FANCD2: variants seen among roughly 807,000 people sequenced by gnomAD.
FANCD2 encodes FA complementation group D2.
In FANCD2, 131 loss-of-function variants were observed where a neutral mutation model predicts 192.3. That is an observed-to-expected ratio of 0.68 (90% confidence interval 0.59 to 0.79). FANCD2 has a LOEUF of 0.79. FANCD2 is among the 30% of genes least tolerant of loss of function. The pLI is 0.00. For synonymous variants in FANCD2, 524 were observed against 612.5 expected (o/e 0.86, Z 2.13); for missense variants, 1,508 against 1,701.6 (o/e 0.89, Z 2.00).
Position 10,039,304 on chromosome 3 carries a change from C to G in FANCD2, c.517C>G (p.Pro173Ala), listed in dbSNP as rs758228060. The G allele has an allele frequency of 6.2e-7, 1 of 1,613,824 alleles. No homozygotes were observed. Among genetic ancestry groups the G allele is most frequent in the Admixed American group, 1.7e-5 (1 of 60,024 alleles). ...ENKNSDEINI[P>A]RLIVSQLKWL... The stretch of plus-strand genomic sequence containing the variant: ...CAAGAACAGTGATGAAATCAACATA[C>G]CTCGACTCATTGTCAGTCAACTAAA... The change falls in exon 8 of 44, where the codon CCT becomes GCT. Residue 173 changes from proline (P) to alanine (A), a missense_variant. Around this residue, in one of 5 missense-constraint regions of FANCD2, gnomAD observed 435 missense variants for 421.9 expected, o/e 1.03. Coordinates refer to ENST00000675286, the MANE Select transcript of FANCD2 (RefSeq NM_001018115.3).
chr3:10,039,691 C>T (rs2086815206), intron 8 of FANCD2, 30 bp from the exon 9 acceptor site: 1 of 1,613,644 alleles, frequency 6.2e-7, no homozygotes, highest in South Asian at 1.1e-5. Context: ...GGGTAATGTG[C>T]TGCAGTTCTA....
At chr3:10,054,952 C>T (rs1458973806) in intron 18 of FANCD2, among the ~76,000 whole-genome samples, 1 of 151,924 alleles carries the variant, frequency 6.6e-6, no homozygotes, top group African/African-American at 2.4e-5. Flanking sequence ...CTTCTCAGTT[C>T]TGTAGGCACC....
rs1229105267 is a variant in FANCD2, at chr3:10,065,962, C to G, written c.2368C>G (p.Leu790Val). ...SFMCSLIFLTLNWFREIVNAF... is the reference protein window; with the variant it reads ...SFMCSLIFLTVNWFREIVNAF... Reference sequence around the variant, plus strand: ...CATGTGTTCTCTCATATTTCTTACTCTCAACTGGTTCCGAGAGGTGAGCAG... The same window carrying G: ...CATGTGTTCTCTCATATTTCTTACTGTCAACTGGTTCCGAGAGGTGAGCAG... The change falls in exon 25 of 44, where the codon CTC (leucine) becomes GTC (valine). Residue 790 changes from leucine to valine, a missense_variant. By Grantham distance (32) the Leu-to-Val change is conservative. Around this residue, in one of 5 missense-constraint regions of FANCD2, gnomAD observed 796 missense variants for 879.4 expected, o/e 0.91. Coordinates refer to ENST00000675286, the MANE Select transcript of FANCD2 (RefSeq NM_001018115.3). 4.4e-6 allele frequency: 7 copies of G among 1,607,844 alleles called. No homozygotes were observed. The African/African-American group carries it at 9.4e-5, about 21-fold the overall frequency.
chr3:10,080,638 G>A (rs1414749896), intron 30 of FANCD2, among the ~76,000 whole-genome samples: 7 of 152,160 alleles, frequency 4.6e-5, no homozygotes, highest in Non-Finnish European at 1.0e-4. Context: ...ATGTTTGTTG[G>A]CATGTGCCTG....
rs1476712513 is a variant in FANCD2 at position 10,054,397 on chromosome 3, G to GTATATACATATATATA, written c.1656+1905_1656+1906insACATATATATATATAT. On this transcript the variant is annotated intron_variant, in intron 18 of 43. Coordinates refer to ENST00000675286, the MANE Select transcript of FANCD2 (RefSeq NM_001018115.3). ...TATATACATATATATATGTATATAC[G>GTATATACATATATATA]TATATGTATATACGTATATACATAT... 5.0e-5 allele frequency among the ~76,000 whole-genome samples: 4 copies of GTATATACATATATATA among 79,258 alleles called. 1 individual carries two copies. Among genetic ancestry groups the GTATATACATATATATA allele is most frequent in the African/African-American group, 2.8e-4 (4 of 14,222 alleles). 52.0% of individuals were successfully genotyped at this position (79,258 alleles called of 152,430 possible).
chr3:10,030,689 C>T (rs577178552), intron 2 of FANCD2, among the ~76,000 whole-genome samples: 4 of 152,036 alleles, frequency 2.6e-5, no homozygotes, highest in Non-Finnish European at 5.9e-5. Flanking sequence ...CACCTGAGGT[C>T]AGGAGTTCAA....
At chr3:10,035,606 T>G (rs1198610259) in intron 6 of FANCD2, among the ~76,000 whole-genome samples, 2 of 152,172 alleles carry the variant, frequency 1.3e-5, no homozygotes, top group East Asian at 1.9e-4. Flanking sequence ...CTCGTCTCTT[T>G]TATTAAGTAG....
intron 1 of FANCD2, among the ~76,000 whole-genome samples, chr3:10,027,829 C>T (rs34569725): frequency 0.02 from 2,904 of 144,252 alleles, 100 homozygotes; most frequent in African/African-American, 0.074. Context: ...GGTGTGAACC[C>T]GGGAGGTGGA....
In FANCD2 at chr3:10,040,464, G is replaced by A. The variant is rs56093431; in HGVS notation, c.695+619G>A. ...AGTTTCATTAACTTGTTCTTCAGGG[G>A]GTCCTTAACCCTGGCTGCACATTAA... On this transcript the variant is annotated intron_variant, in intron 9 of 43. Transcript: ENST00000675286. 9.9e-5 allele frequency: 45 copies of A among 455,446 alleles called. No homozygotes were observed. In the East Asian group the frequency reaches 3.1e-3, roughly 31 times the overall value. The allele number at this position is 455,446 out of a possible 1,614,324, so 28.2% of individuals were successfully genotyped here.
Position 10,030,501 on chromosome 3 carries a change from T to A in FANCD2, c.64+1780T>A, listed in dbSNP as rs377046496. Among the ~76,000 whole-genome samples, 17 of 152,346 alleles carry A rather than the reference T, an allele frequency of 1.1e-4. No homozygotes were observed. In the East Asian group the frequency reaches 2.3e-3, roughly 21 times the overall value. ...TAGGTTATTGGAAGTTAAGTCTGAT[T>A]CTTGGTCAATTCAACCGAAATAGAT... On this transcript the variant is annotated intron_variant, in intron 2 of 43. Coordinates refer to ENST00000675286, the MANE Select transcript of FANCD2 (RefSeq NM_001018115.3).
chr3:10,073,188 G>A, intron 27 of FANCD2, 65 bp from the exon 28 acceptor site: 3 of 1,306,326 alleles, frequency 2.3e-6, no homozygotes, highest in South Asian at 2.4e-5. Flanking sequence ...TTTTCTGAGG[G>A]CAATGATATT....
intron 29 of FANCD2, among the ~76,000 whole-genome samples, chr3:10,077,671 C>G (rs1020076859): frequency 6.6e-6 from 1 of 151,882 alleles, no homozygotes; most frequent in Non-Finnish European, 1.5e-5. Flanking sequence ...GAGGATTGCT[C>G]AAGCCCAGGA....
intron 29 of FANCD2, among the ~76,000 whole-genome samples, chr3:10,076,051 T>C (rs1244752101): frequency 6.8e-6 from 1 of 146,536 alleles, no homozygotes; most frequent in Non-Finnish European, 1.5e-5. Context: ...TTTTTTTTTT[T>C]AATCTTTCTA....
intron 42 of FANCD2, among the ~76,000 whole-genome samples, chr3:10,096,975 A>C (rs1269225077): frequency 3.9e-5 from 6 of 152,180 alleles, no homozygotes; most frequent in African/African-American, 1.2e-4. Flanking sequence ...CAGAGTACAA[A>C]AGAGAGAAAT....
In FANCD2 at chr3:10,039,775, C is replaced by A; in HGVS notation, c.625C>A (p.His209Asn). ...LISIAPENLQ[H>N]DIITSLPEIL... ...CAGTATTGCTCCAGAGAACCTGCAG[C>A]ATGACATCATCACCAGCCTACCTGA... Residue 209 changes from histidine (H) to asparagine (N), a missense_variant, in exon 9 of 44, where the codon CAT becomes AAT. Physicochemically the swap from His to Asn is moderately conservative, Grantham distance 68 (BLOSUM62 1). Coordinates refer to ENST00000675286, the MANE Select transcript of FANCD2 (RefSeq NM_001018115.3). 1 of 1,613,968 alleles carries A rather than the reference C, an allele frequency of 6.2e-7. No individual in the cohort carries two copies. The highest frequency in any genetic ancestry group is 8.5e-7 in the Non-Finnish European group (1 of 1,180,006).
intron 6 of FANCD2, among the ~76,000 whole-genome samples, chr3:10,036,082 A>ATTTTTTTTTTTTTTTTTTTTT (rs781686867): frequency 1.1e-4 from 11 of 103,860 alleles, no homozygotes; most frequent in Non-Finnish European, 2.2e-4. Flanking sequence ...AGAATTATAC[A>ATTTTTTTTTTTTTTTTTTTTT]TTTCTTTTTT....
intron 3 of FANCD2, 134 bp downstream of exon 3, chr3:10,033,106 C>A: frequency 1.2e-6 from 1 of 851,020 alleles, no homozygotes; most frequent in Non-Finnish European, 1.9e-6. Flanking sequence ...GTTGAAATTG[C>A]TTTTTAGAAA....
chr3:10,094,969 T>G (rs1694865270), intron 40 of FANCD2: 1 of 550,348 alleles, frequency 1.8e-6, no homozygotes, highest in Non-Finnish European at 3.3e-6. Flanking sequence ...TATGTAAAAC[T>G]AAAATGCAGG....
At chr3:10,076,360 C>A (rs1347921933) in intron 29 of FANCD2, among the ~76,000 whole-genome samples, 1 of 151,472 alleles carries the variant, frequency 6.6e-6, no homozygotes, top group East Asian at 1.9e-4. Flanking sequence ...GGAAACGCAT[C>A]TTGGATCCAC....
Sources: gnomAD v4.1 joint callset for allele counts (sites outside exome capture counted in the v4.1 genomes callset) on GRCh38, gnomAD v4.1.1 for gene constraint, gnomAD v4.1.1 regional missense constraint, MANE v1.5 for transcripts, NCBI Gene and HGNC (gene_info 2026-07-23, HGNC 2026-07-21) for gene names.